The following PLD5 variants were observed in gnomAD, a reference collection of about 807,000 sequenced individuals.
PLD5 encodes the protein inactive phospholipase D5.
Under a neutral mutation model 61.1 loss-of-function variants are expected in PLD5, and 36 were observed. The observed-to-expected ratio is 0.59, with a 90% CI of 0.45 to 0.78. The LOEUF (loss-of-function observed/expected upper bound fraction) is 0.78. Among genes scored for constraint, PLD5 ranks in the 30% least tolerant of loss-of-function variants. The probability of loss-of-function intolerance (pLI) is 0.00; values close to 1 mark genes in which losing one functional copy is unlikely to be tolerated. For synonymous variants in PLD5, 243 were observed against 242.8 expected (o/e 1.00, Z -0.01); for missense variants, 515 against 644.4 (o/e 0.80, Z 2.17).
intron 2 of PLD5, among the ~76,000 whole-genome samples, chr1:242,347,376 A>G (rs1056963136): frequency 3.3e-5 from 5 of 152,200 alleles, no homozygotes; most frequent in African/African-American, 4.8e-5. Context: ...TCAGCTTTGC[A>G]GCAATACATA....
chr1:242,089,509 C>A lies in PLD5; in HGVS notation c.*345G>T, dbSNP rs1174532351. On this transcript the variant is annotated 3_prime_UTR_variant, in exon 10 of 10. Coordinates refer to ENST00000536534, the MANE Select transcript of PLD5 (RefSeq NM_001372062.1). ...TCTCAGAATGGTGTTAAAGAGCCCA[C>A]CTCATGCTAAGCTTCCTAACAACTG... 1.8e-5 allele frequency: 9 copies of A among 489,320 alleles called. No homozygotes were observed. Among genetic ancestry groups the A allele is most frequent in the Non-Finnish European group, 3.2e-5 (9 of 281,692 alleles). The allele number at this position is 489,320 out of a possible 1,614,324, so 30.3% of individuals were successfully genotyped here.
At chr1:242,255,948 C>T (rs316915) in intron 4 of PLD5, among the ~76,000 whole-genome samples, 68,214 of 152,118 alleles carry the variant, frequency 0.45, 15,844 homozygotes, top group African/African-American at 0.58. Context: ...GCCAATTAAA[C>T]GTCTACCAAT....
chr1:242,518,678 T>C (rs1043719546), intron 1 of PLD5, among the ~76,000 whole-genome samples: 1 of 152,212 alleles, frequency 6.6e-6, no homozygotes, highest in Non-Finnish European at 1.5e-5. Context: ...CATGTAGCTA[T>C]TATATGGAAG....
intron 3 of PLD5, among the ~76,000 whole-genome samples, chr1:242,269,993 G>A (rs1673962139): frequency 6.6e-6 from 1 of 152,066 alleles, no homozygotes. Flanking sequence ...GCTTACTTCT[G>A]TTGACCCAAA....
chr1:242,092,928 C>G (rs1205483072), intron 9 of PLD5, among the ~76,000 whole-genome samples: 1 of 152,132 alleles, frequency 6.6e-6, no homozygotes, highest in Non-Finnish European at 1.5e-5. Context: ...AACACCAAGT[C>G]CCTAAACCAA....
chr1:242,204,954 T>A (rs988076083), intron 5 of PLD5, among the ~76,000 whole-genome samples: 1 of 152,224 alleles, frequency 6.6e-6, no homozygotes, highest in Admixed American at 6.5e-5. Flanking sequence ...ATAGTGCGTA[T>A]GTTACTGAAA....
intron 1 of PLD5, among the ~76,000 whole-genome samples, chr1:242,380,732 A>C (rs1662230111): frequency 1.3e-5 from 2 of 152,228 alleles, no homozygotes; most frequent in Admixed American, 6.5e-5. Flanking sequence ...TCCATTAAAA[A>C]GTGGGCAAAG....
At chr1:242,527,114 C>CTTCTTTTTTTTT (rs1669464635), upstream of PLD5, among the ~76,000 whole-genome samples, 2 of 71,944 alleles carry the variant, frequency 2.8e-5, no homozygotes, top group African/African-American at 1.1e-4. Flanking sequence ...CTATCTCCTT[C>CTTCTTTTTTTTT]TTTTTTTTTT....
intron 1 of PLD5, chr1:242,365,390 A>C (rs2149241029): frequency 6.3e-6 from 1 of 159,786 alleles, no homozygotes; most frequent in South Asian, 1.8e-4. Flanking sequence ...TGTCCTGGAG[A>C]AACAGCAGCA....
chr1:242,175,364 A>G (rs184811035), intron 5 of PLD5, among the ~76,000 whole-genome samples: 1 of 152,338 alleles, frequency 6.6e-6, no homozygotes, highest in African/African-American at 2.4e-5. Flanking sequence ...GATTATCTCA[A>G]TAGATGCAGA....
chr1:242,158,311 G>C (rs896547082), intron 5 of PLD5, among the ~76,000 whole-genome samples: 2 of 152,228 alleles, frequency 1.3e-5, no homozygotes, highest in South Asian at 2.1e-4. Flanking sequence ...CTTTCCAGGG[G>C]AGTCAAGAGT....
chr1:242,164,979 TG>T (rs1666195520), intron 5 of PLD5, among the ~76,000 whole-genome samples: 2 of 152,194 alleles, frequency 1.3e-5, no homozygotes, highest in Non-Finnish European at 2.9e-5. Context: ...AGTATCTACC[TG>T]GCTTTAACAG....
intron 4 of PLD5, among the ~76,000 whole-genome samples, chr1:242,234,076 C>T (rs942007508): frequency 6.6e-6 from 1 of 152,158 alleles, no homozygotes; most frequent in African/African-American, 2.4e-5. Context: ...CAAATGTTAA[C>T]GCATTTGTTC....
At chr1:242,325,629 C>T (rs538265455) in intron 2 of PLD5, among the ~76,000 whole-genome samples, 1 of 151,972 alleles carries the variant, frequency 6.6e-6, no homozygotes, top group South Asian at 2.1e-4. Flanking sequence ...TGAATTTGAA[C>T]CCTTTCATGC....
At chr1:242,183,430 C>A (rs1390887545) in intron 5 of PLD5, among the ~76,000 whole-genome samples, 1 of 152,016 alleles carries the variant, frequency 6.6e-6, no homozygotes, top group African/African-American at 2.4e-5. Context: ...GAGAACCCAC[C>A]GCCGGTCATG....
At chr1:242,267,529 C>T (rs1375087222) in intron 3 of PLD5, among the ~76,000 whole-genome samples, 2 of 152,134 alleles carry the variant, frequency 1.3e-5, no homozygotes, top group Non-Finnish European at 2.9e-5. Context: ...GGAAGCCTCA[C>T]CACAAACCAG....
intron 1 of PLD5, among the ~76,000 whole-genome samples, chr1:242,468,239 C>T (rs1463829501): frequency 6.6e-6 from 1 of 152,142 alleles, no homozygotes; most frequent in Non-Finnish European, 1.5e-5. Flanking sequence ...TGAACAGAGC[C>T]ATTTTTAAGT....
At chr1:242,197,898 T>A (rs1668740374) in intron 5 of PLD5, among the ~76,000 whole-genome samples, 1 of 152,278 alleles carries the variant, frequency 6.6e-6, no homozygotes, top group East Asian at 1.9e-4. Context: ...TCTCCCAAAG[T>A]GCTGGGATTA....
chr1:242,502,771 TC>T (rs1222912551), intron 1 of PLD5, among the ~76,000 whole-genome samples: 39 of 151,886 alleles, frequency 2.6e-4, no homozygotes, highest in African/African-American at 9.2e-4. Flanking sequence ...TAAAACAGAG[TC>T]CTGTGGGGCC....
Sources: gnomAD v4.1 joint callset for allele counts (sites outside exome capture counted in the v4.1 genomes callset) on GRCh38, gnomAD v4.1.1 for gene constraint, MANE v1.5 for transcripts, NCBI Gene and HGNC (gene_info 2026-07-23, HGNC 2026-07-21) for gene names.